The following ANO6 variants were observed in gnomAD, a reference collection of about 807,000 sequenced individuals.
ANO6 encodes anoctamin 6.
ANO6 carries 106 observed loss-of-function variants against 117.5 expected under a neutral mutation model. The observed-to-expected ratio is 0.90, with a 90% CI of 0.77 to 1.06. The LOEUF is 1.06. Among genes scored for constraint, ANO6 ranks in the 50% least tolerant of loss-of-function variants. The probability of loss-of-function intolerance (pLI) is 0.00; values close to 1 mark genes in which losing one functional copy is unlikely to be tolerated. For missense variants in ANO6, 955 were observed against 1,121.1 expected, an observed-to-expected ratio of 0.85 and a Z score of 2.12; for synonymous variants, 367 against 385.1, an observed-to-expected ratio of 0.95 and a Z score of 0.55.
chr12:45,411,764 G>A (rs1943091773), intron 16 of ANO6, among the ~76,000 whole-genome samples: 1 of 152,078 alleles, frequency 6.6e-6, no homozygotes, highest in African/African-American at 2.4e-5. Context: ...GCCTCAGCTG[G>A]GCCCCTGAAC....
intron 7 of ANO6, among the ~76,000 whole-genome samples, chr12:45,354,706 A>C (rs913550308): frequency 6.6e-6 from 1 of 152,214 alleles, no homozygotes; most frequent in Non-Finnish European, 1.5e-5. Flanking sequence ...TAAGCAATGA[A>C]CCATCAAGAC....
intron 1 of ANO6, among the ~76,000 whole-genome samples, chr12:45,244,596 T>G (rs1241711244): frequency 6.6e-6 from 1 of 152,168 alleles, no homozygotes; most frequent in Non-Finnish European, 1.5e-5. Flanking sequence ...TCTGTAAAAC[T>G]GGGATAATTA....
chr12:45,365,519 A>G (rs115335282), intron 8 of ANO6, among the ~76,000 whole-genome samples: 1,547 of 152,306 alleles, frequency 0.01, 22 homozygotes, highest in African/African-American at 0.034. Flanking sequence ...ATGAGGTTTA[A>G]AAAGAATGGC....
intron 7 of ANO6, among the ~76,000 whole-genome samples, chr12:45,356,744 G>T (rs986021623): frequency 2.0e-5 from 3 of 152,022 alleles, no homozygotes; most frequent in Non-Finnish European, 4.4e-5. Flanking sequence ...GGAAGGGGAG[G>T]CAGGAGAGGC....
chr12:45,405,189 A>G (rs1414306427), intron 15 of ANO6, among the ~76,000 whole-genome samples: 1 of 152,180 alleles, frequency 6.6e-6, no homozygotes, highest in Non-Finnish European at 1.5e-5. Context: ...TAGGTCATGC[A>G]TAAATAGTAC....
Position 45,348,435 on chromosome 12 carries a change from G to A in ANO6, c.634-83G>A, listed in dbSNP as rs1157082012. 2.6e-6 allele frequency: 4 copies of A among 1,546,714 alleles called. No homozygotes were observed. The African/African-American group carries it at 5.5e-5, about 21-fold the overall frequency. ...CAAAAAGAAAAGAAATATGCCAGCA[G>A]ATTTGTGTTACAGTAGTAAACAATG... is the stretch of plus-strand genomic sequence containing the variant. On this transcript the variant is annotated intron_variant, in intron 5 of 19. Transcript: ENST00000320560.
At chr12:45,293,587 A>G (rs1410681634) in intron 1 of ANO6, among the ~76,000 whole-genome samples, 1 of 151,922 alleles carries the variant, frequency 6.6e-6, no homozygotes, top group Admixed American at 6.6e-5. Context: ...TTTTTGAGAC[A>G]GTCTCGCTCT....
At chr12:45,353,938 G>T (rs981521214) in intron 7 of ANO6, among the ~76,000 whole-genome samples, 3 of 152,090 alleles carry the variant, frequency 2.0e-5, no homozygotes, top group African/African-American at 7.2e-5. Context: ...ATTATGCAGA[G>T]CATAGAGCAA....
Position 45,388,163 on chromosome 12 carries a change from AC to A in ANO6, c.1170del (p.Leu391CysfsTer39). The A allele has an allele frequency of 6.2e-7, 1 of 1,613,782 alleles. No homozygotes were observed. The highest frequency in any genetic ancestry group is 1.3e-5 in the African/African-American group (1 of 74,980). On this transcript the variant is annotated frameshift_variant, in exon 11 of 20. Coordinates refer to ENST00000320560, the MANE Select transcript of ANO6 (RefSeq NM_001025356.3). LOFTEE classifies it high-confidence loss of function. The stretch of plus-strand genomic sequence containing the variant: ...AAGCTCTTCTGTCTCTCTGTTAGTT[AC>A]CTTGTTTTTGGAGTTTTGGAAGCGA... ...VFAVFMGVWV[T>X]LFLEFWKRRQ...
intron 1 of ANO6, among the ~76,000 whole-genome samples, chr12:45,271,282 A>T (rs1420753016): frequency 1.3e-5 from 2 of 152,242 alleles, no homozygotes; most frequent in Non-Finnish European, 2.9e-5. Context: ...ATTACCTAAC[A>T]ACAAAAAGTT....
intron 1 of ANO6, chr12:45,228,021 G>T (rs1441407685): frequency 3.2e-5 from 7 of 219,312 alleles, no homozygotes; most frequent in South Asian, 4.6e-5. Context: ...GATCCTAGGG[G>T]CTGACACACA....
chr12:45,348,840 A>G (rs1037294220), intron 6 of ANO6, among the ~76,000 whole-genome samples: 23 of 152,222 alleles, frequency 1.5e-4, no homozygotes, highest in Admixed American at 1.5e-3. Flanking sequence ...TAAAGGAGCG[A>G]ATGAATGAAT....
intron 1 of ANO6, among the ~76,000 whole-genome samples, chr12:45,284,467 G>A (rs751751198): frequency 2.3e-4 from 35 of 152,176 alleles, no homozygotes; most frequent in African/African-American, 2.9e-4. Flanking sequence ...AGAGATACGC[G>A]GGCAGGAGAA....
chr12:45,264,256 T>A (rs1417730142), intron 1 of ANO6, among the ~76,000 whole-genome samples: 1 of 152,240 alleles, frequency 6.6e-6, no homozygotes, highest in East Asian at 1.9e-4. Flanking sequence ...TTCTAAGATG[T>A]GTTATTCGAG....
intron 9 of ANO6, among the ~76,000 whole-genome samples, chr12:45,375,013 A>T (rs1253020340): frequency 6.6e-6 from 1 of 151,608 alleles, no homozygotes; most frequent in African/African-American, 2.4e-5. Flanking sequence ...AAGTCTCAGG[A>T]TACAAAATCA....
At chr12:45,308,503 G>A (rs1375246694) in intron 2 of ANO6, among the ~76,000 whole-genome samples, 1 of 152,120 alleles carries the variant, frequency 6.6e-6, no homozygotes. Flanking sequence ...TCATCTGGAA[G>A]AGTGGGAAAG....
At chr12:45,350,276 A>G (rs1941246037) in intron 6 of ANO6, among the ~76,000 whole-genome samples, 1 of 152,016 alleles carries the variant, frequency 6.6e-6, no homozygotes, top group South Asian at 2.1e-4. Context: ...TGGTTTCCCC[A>G]TTGTCCAAGG....
At chr12:45,395,772 C>T (rs969680710) in intron 12 of ANO6, among the ~76,000 whole-genome samples, 24 of 152,148 alleles carry the variant, frequency 1.6e-4, no homozygotes, top group African/African-American at 5.3e-4. Context: ...GCAGAAAAGG[C>T]CTTTGACAAA....
At chr12:45,411,009 T>C (rs1943072968) in intron 16 of ANO6, among the ~76,000 whole-genome samples, 1 of 152,222 alleles carries the variant, frequency 6.6e-6, no homozygotes, top group African/African-American at 2.4e-5. Flanking sequence ...CCTTAGTTAG[T>C]TATTATTCTG....
Sources: allele counts gnomAD v4.1 joint callset (sites outside exome capture counted in the v4.1 genomes callset), GRCh38; gene constraint gnomAD v4.1.1; transcripts MANE v1.5; gene names NCBI Gene and HGNC (gene_info 2026-07-23, HGNC 2026-07-21).